JARID2: variants seen among roughly 807,000 people sequenced by gnomAD.
The protein encoded by JARID2 is protein Jumonji.
Under a neutral mutation model 125.6 loss-of-function variants are expected in JARID2, and 21 were observed. That is an observed-to-expected ratio of 0.17 (90% CI 0.12 to 0.24). The LOEUF is 0.24. Ranked by LOEUF, JARID2 falls within the 10% of genes least tolerant of loss-of-function variation. JARID2 has a pLI of 1.00. For synonymous variants in JARID2, 736 were observed against 661.6 expected, an observed-to-expected ratio of 1.11 and a Z score of -1.73; for missense variants, 1,303 against 1,639.6, an observed-to-expected ratio of 0.79 and a Z score of 3.55.
intron 1 of JARID2, among the ~76,000 whole-genome samples, chr6:15,249,295 G>GC (rs1382011058): frequency 6.6e-6 from 1 of 152,246 alleles, no homozygotes; most frequent in Non-Finnish European, 1.5e-5. Context: ...CTGCACAGCA[G>GC]CAACTGTTGC....
At chr6:15,412,747 T>C (rs1173417448) in intron 3 of JARID2, among the ~76,000 whole-genome samples, 3 of 152,198 alleles carry the variant, frequency 2.0e-5, no homozygotes, top group Admixed American at 6.5e-5. Flanking sequence ...AGTAAATGAC[T>C]TGGGACCTGA....
At chr6:15,419,305 T>G (rs1156383239) in intron 3 of JARID2, among the ~76,000 whole-genome samples, 1 of 152,236 alleles carries the variant, frequency 6.6e-6, no homozygotes, top group Admixed American at 6.5e-5. Flanking sequence ...GGGTGAAATG[T>G]ACTCTCTACT....
At chr6:15,445,145 A>C (rs1338548104) in intron 3 of JARID2, among the ~76,000 whole-genome samples, 1 of 152,198 alleles carries the variant, frequency 6.6e-6, no homozygotes, top group Non-Finnish European at 1.5e-5. Flanking sequence ...CCCAGAGGAA[A>C]CCTGGAGAAA....
chr6:15,481,178 G>A (rs532802762), intron 5 of JARID2, among the ~76,000 whole-genome samples: 22 of 152,328 alleles, frequency 1.4e-4, no homozygotes, highest in African/African-American at 5.1e-4. Flanking sequence ...TTTGCCTGCC[G>A]TGGTGTGAAA....
At chr6:15,447,313 T>G (rs1767716393) in intron 3 of JARID2, among the ~76,000 whole-genome samples, 1 of 152,188 alleles carries the variant, frequency 6.6e-6, no homozygotes, top group Non-Finnish European at 1.5e-5. Flanking sequence ...TTCATTGACA[T>G]AAAGGGTACA....
At position 15,360,882 on chromosome 6, in the gene JARID2, C is replaced by T. The variant is rs73726561; in HGVS notation, c.46-13235C>T. ...AGCCAAAAAAAGGCACAGCAAGGTC[C>T]GCCAACCTTGACTTGACTTCACTCC... On this transcript the variant is annotated intron_variant, in intron 1 of 17. Transcript: ENST00000341776. Among the ~76,000 whole-genome samples, 1,106 of 152,270 alleles carry T rather than the reference C, an allele frequency of 7.3e-3. 15 individuals carry two copies. The highest frequency in any genetic ancestry group is 0.026 in the African/African-American group (1,061 of 41,544).
intron 1 of JARID2, among the ~76,000 whole-genome samples, chr6:15,321,208 C>G (rs955001864): frequency 6.6e-6 from 1 of 152,002 alleles, no homozygotes; most frequent in African/African-American, 2.4e-5. Flanking sequence ...TACTATATAT[C>G]AGTATAATCA....
intron 1 of JARID2, among the ~76,000 whole-genome samples, chr6:15,291,691 T>G (rs1177277460): frequency 6.6e-6 from 1 of 152,204 alleles, no homozygotes; most frequent in Non-Finnish European, 1.5e-5. Context: ...ACATGCATAT[T>G]CTAAAATGTT....
intron 2 of JARID2, among the ~76,000 whole-genome samples, chr6:15,396,509 C>T (rs1260753432): frequency 3.3e-5 from 5 of 152,014 alleles, no homozygotes; most frequent in South Asian, 2.1e-4. Context: ...TACAGTAGTC[C>T]GCCCATATCC....
chr6:15,248,957 C>A (rs1051424064), intron 1 of JARID2: 145 of 985,494 alleles, frequency 1.5e-4, no homozygotes, highest in Non-Finnish European at 1.7e-4. Flanking sequence ...CGTCGCGCTT[C>A]CCACCAGGTG....
At chr6:15,485,692 G>A (rs955112219) in intron 5 of JARID2, among the ~76,000 whole-genome samples, 10 of 152,194 alleles carry the variant, frequency 6.6e-5, no homozygotes, top group South Asian at 4.1e-4. Context: ...GGTTAAGCAC[G>A]AAAGCAAGAA....
chr6:15,330,174 T>C (rs1762660689), intron 1 of JARID2, among the ~76,000 whole-genome samples: 1 of 152,248 alleles, frequency 6.6e-6, no homozygotes, highest in African/African-American at 2.4e-5. Context: ...CTATAGGGGC[T>C]GTTCCCCAGG....
intron 1 of JARID2, among the ~76,000 whole-genome samples, chr6:15,356,049 A>AATGGAATAG (rs1763589050): frequency 1.3e-5 from 2 of 152,162 alleles, no homozygotes. Flanking sequence ...CCTATTCTGG[A>AATGGAATAG]GACTTCGTAG....
chr6:15,447,733 C>T (rs1016352963), intron 3 of JARID2, among the ~76,000 whole-genome samples: 4 of 152,162 alleles, frequency 2.6e-5, no homozygotes, highest in Admixed American at 6.5e-5. Flanking sequence ...GTGTGGTGGG[C>T]GGGTATGCCG....
At chr6:15,506,281 A>G (rs1468276437) in intron 9 of JARID2, among the ~76,000 whole-genome samples, 3 of 152,218 alleles carry the variant, frequency 2.0e-5, no homozygotes. Flanking sequence ...TTCAGCAAAT[A>G]CGCAGCAGGC....
intron 5 of JARID2, among the ~76,000 whole-genome samples, chr6:15,479,459 A>G (rs1247452366): frequency 1.3e-5 from 2 of 152,246 alleles, no homozygotes; most frequent in African/African-American, 2.4e-5. Flanking sequence ...TAATGCATTC[A>G]CACTTGGAGA....
chr6:15,503,035 G>A (rs1770817162), intron 8 of JARID2, among the ~76,000 whole-genome samples: 2 of 152,244 alleles, frequency 1.3e-5, no homozygotes, highest in African/African-American at 4.8e-5. Context: ...GCGTATGTTT[G>A]ATTCAAATAA....
chr6:15,283,012 T>G (rs558684345), intron 1 of JARID2, among the ~76,000 whole-genome samples: 1 of 151,898 alleles, frequency 6.6e-6, no homozygotes, highest in Non-Finnish European at 1.5e-5. Context: ...GGAGTCTCAC[T>G]CTGTTGCCCA....
At chr6:15,250,411 T>A (rs564523043) in intron 1 of JARID2, among the ~76,000 whole-genome samples, 25 of 152,284 alleles carry the variant, frequency 1.6e-4, no homozygotes, top group South Asian at 1.5e-3. Flanking sequence ...TGCACGTTAT[T>A]TTATTGCTGT....
Sources: gnomAD v4.1 joint callset for allele counts (sites outside exome capture counted in the v4.1 genomes callset) on GRCh38, gnomAD v4.1.1 for gene constraint, MANE v1.5 for transcripts, NCBI Gene and HGNC (gene_info 2026-07-23, HGNC 2026-07-21) for gene names.